KCNQ1: variants seen among roughly 807,000 people sequenced by gnomAD.
The protein encoded by KCNQ1 is potassium voltage-gated channel subfamily Q member 1.
In KCNQ1, 49 loss-of-function variants were observed where a neutral mutation model predicts 72.4. That is an observed-to-expected ratio of 0.68 (90% confidence interval 0.54 to 0.86). The LOEUF (loss-of-function observed/expected upper bound fraction) is 0.86, where lower values mean the gene tolerates loss of function less well. Ranked by LOEUF, KCNQ1 falls within the 40% of genes least tolerant of loss-of-function variation. KCNQ1 has a pLI of 0.00. For synonymous variants in KCNQ1, 450 were observed against 412.6 expected (o/e 1.09, Z -1.10); for missense variants, 790 against 945.1 (o/e 0.84, Z 2.15).
At chr11:2,756,157 C>G (rs1846295004) in intron 11 of KCNQ1, among the ~76,000 whole-genome samples, 1 of 152,192 alleles carries the variant, frequency 6.6e-6, no homozygotes, top group Non-Finnish European at 1.5e-5. Flanking sequence ...GTTGACCCAG[C>G]AGTCCCATAT....
chr11:2,698,355 A>C lies in KCNQ1; in HGVS notation c.1514+36274A>C. On this transcript the variant is annotated intron_variant, in intron 11 of 15. Transcript: ENST00000155840. The surrounding 1 kb of genome is among the most constrained non-coding windows in gnomAD (Gnocchi z 5.1). Reference sequence around the variant, plus strand: ...GGCACTCTTACTCTCAATTTTATATAAAAGGCTATTTGACCTGCTCAGGGA... The same window carrying C: ...GGCACTCTTACTCTCAATTTTATATCAAAGGCTATTTGACCTGCTCAGGGA... The C allele has an allele frequency of 2.5e-6, 1 of 398,638 alleles. No individual in the cohort carries two copies. The highest frequency in any genetic ancestry group is 4.4e-6 in the Non-Finnish European group (1 of 226,072). 24.7% of individuals were successfully genotyped at this position (398,638 alleles called of 1,614,324 possible).
chr11:2,511,717 C>T (rs1234899070), intron 1 of KCNQ1, among the ~76,000 whole-genome samples: 1 of 152,216 alleles, frequency 6.6e-6, no homozygotes, highest in Non-Finnish European at 1.5e-5. Context: ...TCCCTCCAGG[C>T]CCATGAGTGA....
chr11:2,480,834 T>C (rs1564793166), intron 1 of KCNQ1, among the ~76,000 whole-genome samples: 2 of 152,004 alleles, frequency 1.3e-5, no homozygotes. Flanking sequence ...AAGAAATCCA[T>C]GAGGAGGCGT....
At chr11:2,840,753 CAT>C (rs1403997082) in intron 15 of KCNQ1, among the ~76,000 whole-genome samples, 5 of 152,306 alleles carry the variant, frequency 3.3e-5, no homozygotes, top group South Asian at 4.1e-4. Context: ...TCTTTCTTAA[CAT>C]AGAGTCCTTA....
chr11:2,556,737 G>T (rs1241472220), intron 2 of KCNQ1, among the ~76,000 whole-genome samples: 1 of 152,172 alleles, frequency 6.6e-6, no homozygotes, highest in African/African-American at 2.4e-5. Context: ...TTATCTTCCT[G>T]AGGAGAAAGC....
At chr11:2,665,025 T>TG (rs562688498) in intron 11 of KCNQ1, 4 of 397,310 alleles carry the variant, frequency 1.0e-5, no homozygotes, top group African/African-American at 6.2e-5. Context: ...AGAGGTGGGG[T>TG]GGGGGGTGAG....
In KCNQ1 at chr11:2,486,214, CATT is replaced by C. The variant is rs921764402; in HGVS notation, c.386+40733_386+40735del. ...TTCTAGTGGGTGTGCAGTGGTATCT[CATT>C]ATAGTTTTGATTTACATTTTCTTAT... On this transcript the variant is annotated intron_variant, in intron 1 of 15. Coordinates refer to ENST00000155840, the MANE Select transcript of KCNQ1 (RefSeq NM_000218.3). This position sits in a 1 kb window ranked among gnomAD's most constrained non-coding sequence, Gnocchi z 5.0. 3.9e-5 allele frequency among the ~76,000 whole-genome samples: 6 copies of C among 152,108 alleles called. No individual in the cohort carries two copies. The highest frequency in any genetic ancestry group is 1.4e-4 in the African/African-American group (6 of 41,412).
intron 11 of KCNQ1, among the ~76,000 whole-genome samples, chr11:2,705,602 C>A (rs189755546): frequency 1.3e-5 from 2 of 152,218 alleles, no homozygotes; most frequent in Admixed American, 6.5e-5. Flanking sequence ...TGTGTGCCCC[C>A]CTTCCTGTGC....
chr11:2,829,690 A>G (rs1329263337), intron 15 of KCNQ1, among the ~76,000 whole-genome samples: 1 of 152,078 alleles, frequency 6.6e-6, no homozygotes, highest in East Asian at 1.9e-4. Flanking sequence ...GATAATGTCT[A>G]AAGTGACAAA....
rs1000627147 is a variant in KCNQ1 at position 2,674,454 on chromosome 11, G to A, written c.1514+12373G>A. On this transcript the variant is annotated intron_variant, in intron 11 of 15. Transcript: ENST00000155840. The surrounding 1 kb of genome is among the most constrained non-coding windows in gnomAD (Gnocchi z 5.9). ...ACAGAGGCTGGGGGGAGGCACGTGG[G>A]GAGGAGGGCTGCCTGTCGAGATGTG... The A allele has an allele frequency of 3.3e-5, 13 of 398,694 alleles. No individual in the cohort carries two copies. Among genetic ancestry groups the A allele is most frequent in the African/African-American group, 1.8e-4 (9 of 48,746 alleles). The allele number at this position is 398,694 out of a possible 1,614,324, so 24.7% of individuals were successfully genotyped here.
chr11:2,619,484 T>C (rs1345970079), intron 10 of KCNQ1: 2 of 398,502 alleles, frequency 5.0e-6, no homozygotes, highest in Non-Finnish European at 8.8e-6. Context: ...TACATGTATA[T>C]TAAATAAGAT....
At chr11:2,839,287 G>A (rs779466511) in intron 15 of KCNQ1, among the ~76,000 whole-genome samples, 8 of 151,138 alleles carry the variant, frequency 5.3e-5, no homozygotes, top group Non-Finnish European at 1.0e-4. Context: ...GCCACCCAGG[G>A]AGTGTTGTGC....
Position 2,536,081 on chromosome 11 carries a change from C to G in KCNQ1, c.477+8063C>G, listed in dbSNP as rs1338047133. Among the ~76,000 whole-genome samples the G allele has an allele frequency of 1.3e-5, 2 of 152,200 alleles. No individual in the cohort carries two copies. The highest frequency in any genetic ancestry group is 4.1e-4 in the South Asian group (2 of 4,832). ...TCTGCCGAGCACACCCGCTGCTGTC[C>G]CCAGCCACCCAGCCCCATGCACAGG... On this transcript the variant is annotated intron_variant, in intron 2 of 15. Transcript: ENST00000155840. The surrounding 1 kb of genome is among the most constrained non-coding windows in gnomAD (Gnocchi z 7.4).
intron 11 of KCNQ1, among the ~76,000 whole-genome samples, chr11:2,741,655 T>C (rs1164267367): frequency 6.6e-6 from 1 of 152,134 alleles, no homozygotes; most frequent in Non-Finnish European, 1.5e-5. Flanking sequence ...TCCAGAGCAT[T>C]CCACCACCAC....
intron 1 of KCNQ1, among the ~76,000 whole-genome samples, chr11:2,470,072 C>T (rs1846421153): frequency 6.6e-6 from 1 of 151,902 alleles, no homozygotes; most frequent in Admixed American, 6.6e-5. Context: ...GCCATCCTCC[C>T]GTCTCAGCCT....
chr11:2,771,122 A>G (rs1846591241), intron 12 of KCNQ1, among the ~76,000 whole-genome samples: 1 of 152,260 alleles, frequency 6.6e-6, no homozygotes. Flanking sequence ...AGAGCCCACC[A>G]AGGCTTGCAG....
Position 2,603,008 on chromosome 11 carries a change from T to C in KCNQ1, c.1393+14154T>C, listed in dbSNP as rs148193507. ...CCTGGACCCCAAATATCTTCTGCTA[T>C]AGCTTTTTTCTAACAGCCTTGTGGA... On this transcript the variant is annotated intron_variant, in intron 10 of 15. Transcript: ENST00000155840. The surrounding 1 kb of genome is among the most constrained non-coding windows in gnomAD (Gnocchi z 4.1). 1.8e-4 allele frequency among the ~76,000 whole-genome samples: 27 copies of C among 152,352 alleles called. No individual in the cohort carries two copies. Among genetic ancestry groups the C allele is most frequent in the African/African-American group, 6.0e-4 (25 of 41,584 alleles).
At chr11:2,662,743 C>A in intron 11 of KCNQ1, 1 of 399,734 alleles carries the variant, frequency 2.5e-6, no homozygotes, top group Admixed American at 4.4e-5. Flanking sequence ...GGCCACAGTC[C>A]CATTCTGGCT....
chr11:2,648,197 C>T lies in KCNQ1; in HGVS notation c.1394-13764C>T, dbSNP rs564466058. 3.0e-3 allele frequency: 355 copies of T among 118,188 alleles called. 2 individuals are homozygous for T. The highest frequency in any genetic ancestry group is 4.6e-3 in the Middle Eastern group (1 of 218). The allele number at this position is 118,188 out of a possible 1,614,324, so 7.3% of individuals were successfully genotyped here. A position where few individuals can be genotyped will look rare whatever the true frequency, so the allele number is the denominator to read the frequency against. ...TCTAGCCTGGGTGACAGAGTGAGAC[C>T]GTGTCTCGGGGGGTGGGGGGGAGGC... On this transcript the variant is annotated intron_variant, in intron 10 of 15. Transcript: ENST00000155840.
Sources: allele counts gnomAD v4.1 joint callset (sites outside exome capture counted in the v4.1 genomes callset), GRCh38; gene constraint gnomAD v4.1.1; non-coding constraint Gnocchi (gnomAD v3.1); transcripts MANE v1.5; gene names NCBI Gene and HGNC (gene_info 2026-07-23, HGNC 2026-07-21).